Variants in ACACB observed in about 807,000 individuals in gnomAD.
ACACB encodes the protein acetyl-CoA carboxylase 2.
ACACB carries 209 observed loss-of-function variants against 278.8 expected under a neutral mutation model. That is an observed-to-expected ratio of 0.75 (90% confidence interval 0.67 to 0.84). The LOEUF (loss-of-function observed/expected upper bound fraction) is 0.84, where lower values mean the gene tolerates loss of function less well. Among genes scored for constraint, ACACB ranks in the 40% least tolerant of loss-of-function variants. The pLI is 0.00. For synonymous variants in ACACB, 1,174 were observed against 1,285.6 expected, an observed-to-expected ratio of 0.91 and a Z score of 1.86; for missense variants, 2,850 against 3,269.0, an observed-to-expected ratio of 0.87 and a Z score of 3.13.
chr12:109,259,184 C>T (rs1275906498), intron 47 of ACACB, 76 bp downstream of exon 47: 33 of 1,532,386 alleles, frequency 2.2e-5, no homozygotes, highest in Non-Finnish European at 2.8e-5. Context: ...GGTGGTGATG[C>T]TAATGTCCTA....
chr12:109,153,119 T>C (rs1299710300), intron 2 of ACACB, among the ~76,000 whole-genome samples: 1 of 152,008 alleles, frequency 6.6e-6, no homozygotes, highest in Middle Eastern at 3.2e-3. Context: ...CTGGAGTAGC[T>C]GGGACTTCAG....
intron 28 of ACACB, among the ~76,000 whole-genome samples, chr12:109,229,235 G>A (rs750928430): frequency 6.6e-5 from 10 of 152,116 alleles, no homozygotes; most frequent in Non-Finnish European, 8.8e-5. Context: ...GAGCCACCGT[G>A]CCCAGCCCAC....
intron 39 of ACACB, among the ~76,000 whole-genome samples, 199 bp downstream of exon 39, chr12:109,246,647 A>C (rs1388385322): frequency 6.6e-6 from 1 of 152,174 alleles, no homozygotes; most frequent in Non-Finnish European, 1.5e-5. Flanking sequence ...TGATGAGAAA[A>C]AAAAGATCTA....
chr12:109,239,693 TG>T, intron 34 of ACACB, 136 bp from the exon 35 acceptor site: 1 of 1,002,588 alleles, frequency 1.0e-6, no homozygotes, highest in South Asian at 1.7e-5. Flanking sequence ...AGGGCTCTGC[TG>T]TTCTTGCCTG....
Position 109,244,820 on chromosome 12 carries a change from A to C in ACACB, c.5179-806A>C, listed in dbSNP as rs115254175. Among the ~76,000 whole-genome samples, 551 of 152,116 alleles carry C rather than the reference A, an allele frequency of 3.6e-3. 6 individuals carry two copies. The highest frequency in any genetic ancestry group is 0.013 in the African/African-American group (536 of 41,540). ...TCTATATCTATCTATTTATCTATCT[A>C]TCTATCGAGAGAATGGAAAACTGAA... On this transcript the variant is annotated intron_variant, in intron 37 of 52. Transcript: ENST00000338432.
Position 109,245,703 on chromosome 12 carries a change from T to G in ACACB, c.5256T>G (p.Ser1752=), listed in dbSNP as rs1194681540. 4 of 1,614,094 alleles carry G rather than the reference T, an allele frequency of 2.5e-6. No homozygotes were observed. The African/African-American group carries it at 5.3e-5, about 22-fold the overall frequency. Reference sequence around the variant, plus strand: ...CATACACTGAATTAGTGTTGGACTCTCAGGGCCAGCTGGTGGAGATGAACC... The same window carrying G: ...CATACACTGAATTAGTGTTGGACTCGCAGGGCCAGCTGGTGGAGATGAACC... The part of the protein sequence containing the change: ...ILTYTELVLD[S]QGQLVEMNRL... Residue 1752 remains serine, a synonymous_variant, in exon 38 of 53, where the codon TCT becomes TCG. Transcript: ENST00000338432.
rs149957235 is a variant in ACACB at position 109,262,431 on chromosome 12, G to T, written c.6749G>T (p.Arg2250Met). 265 of 1,613,810 alleles carry T rather than the reference G, an allele frequency of 1.6e-4. 1 individual carries two copies. In the African/African-American group the frequency reaches 2.8e-3, roughly 17 times the overall value. ...RKKDLIKSMR[R>M]IDPAYKKLME... ...AAAGATCTGATAAAGTCCATGAGAA[G>T]GATCGATCCAGCTTACAAGAAGCTC... The change falls in exon 49 of 53, where the codon AGG becomes ATG. Residue 2250 changes from arginine to methionine, a missense_variant. Arg to Met is a moderately conservative substitution (Grantham distance 91). Transcript: ENST00000338432.
intron 19 of ACACB, among the ~76,000 whole-genome samples, chr12:109,205,454 CT>C (rs112616443): frequency 2.0e-3 from 280 of 142,790 alleles, no homozygotes; most frequent in Non-Finnish European, 1.9e-3. Context: ...CTCAAGTCAG[CT>C]TTTTTTTTTT....
intron 11 of ACACB, among the ~76,000 whole-genome samples, chr12:109,180,295 A>G (rs4766444): frequency 0.18 from 27,021 of 152,210 alleles, 2,826 homozygotes; most frequent in East Asian, 0.44. Flanking sequence ...AGACCTAGAG[A>G]AATGTTTCTT....
chr12:109,234,095 A>G, intron 31 of ACACB, 50 bp downstream of exon 31: 1 of 1,484,610 alleles, frequency 6.7e-7, no homozygotes, highest in Non-Finnish European at 9.2e-7. Flanking sequence ...GAGAAGGAGG[A>G]GGGGCTGGGC....
intron 20 of ACACB, among the ~76,000 whole-genome samples, chr12:109,208,889 C>T (rs1226738775): frequency 6.6e-6 from 1 of 152,188 alleles, no homozygotes; most frequent in Admixed American, 6.5e-5. Context: ...AACATCAGCT[C>T]ATCATGTGAC....
At chr12:109,179,633 C>G (rs1045660245) in intron 10 of ACACB, among the ~76,000 whole-genome samples, 7 of 152,056 alleles carry the variant, frequency 4.6e-5, no homozygotes, top group African/African-American at 7.2e-5. Flanking sequence ...ACTACAGGAA[C>G]CTGTCACCAT....
At chr12:109,216,225 T>C (rs1037958017) in intron 22 of ACACB, among the ~76,000 whole-genome samples, 7 of 147,108 alleles carry the variant, frequency 4.8e-5, no homozygotes, top group Non-Finnish European at 1.5e-5. Context: ...CTCTCTTTTT[T>C]TTTTTTTTTT....
intron 18 of ACACB, among the ~76,000 whole-genome samples, chr12:109,201,320 A>C (rs2045323125): frequency 6.6e-6 from 1 of 152,220 alleles, no homozygotes; most frequent in Admixed American, 6.5e-5. Context: ...CCATATCTGT[A>C]AAATGGGCAT....
rs200859376 is a variant in ACACB at position 109,142,099 on chromosome 12, AT to A, written c.653+2044del. Among the ~76,000 whole-genome samples the A allele has an allele frequency of 4.6e-3, 693 of 152,184 alleles. 6 individuals carry two copies. Among genetic ancestry groups the A allele is most frequent in the African/African-American group, 0.016 (662 of 41,512 alleles). On this transcript the variant is annotated intron_variant, in intron 2 of 52. Transcript: ENST00000338432. ...CTCATCTCTAAAAAAAAAATTAAGA[AT>A]TTGCCAGACATTGTGGTGCATACCT...
intron 2 of ACACB, among the ~76,000 whole-genome samples, chr12:109,164,717 A>ATTTTT (rs36026617): frequency 1.5e-5 from 2 of 134,106 alleles, no homozygotes; most frequent in Non-Finnish European, 3.1e-5. Flanking sequence ...GCTAATTTAA[A>ATTTTT]TTTTTTTTTT....
intron 34 of ACACB, among the ~76,000 whole-genome samples, chr12:109,239,602 G>C (rs1438738121): frequency 6.6e-6 from 1 of 152,234 alleles, no homozygotes; most frequent in Non-Finnish European, 1.5e-5. Context: ...AAGGCCCCAG[G>C]TGTCAAAGTG....
intron 21 of ACACB, among the ~76,000 whole-genome samples, chr12:109,212,122 C>T (rs540224305): frequency 3.3e-4 from 50 of 152,238 alleles, no homozygotes; most frequent in Middle Eastern, 6.8e-3. Flanking sequence ...GCTTGAATTC[C>T]TCACCGTTGA....
At chr12:109,254,136 C>A in intron 43 of ACACB, 78 bp from the exon 44 acceptor site, 1 of 1,553,156 alleles carries the variant, frequency 6.4e-7, no homozygotes, top group South Asian at 1.1e-5. Context: ...TAATCATAGT[C>A]AGAGGAGCAA....
Sources: allele counts gnomAD v4.1 joint callset (sites outside exome capture counted in the v4.1 genomes callset), GRCh38; gene constraint gnomAD v4.1.1; transcripts MANE v1.5; gene names NCBI Gene and HGNC (gene_info 2026-07-23, HGNC 2026-07-21).